NOVA1: variants seen among roughly 807,000 people sequenced by gnomAD.
NOVA1 encodes the protein NOVA alternative splicing regulator 1, also known as RNA-binding protein Nova-1.
A neutral mutation model predicts 38.0 loss-of-function variants in NOVA1; 7 were observed. The observed-to-expected ratio is 0.18, with a 90% CI of 0.10 to 0.35. The LOEUF (loss-of-function observed/expected upper bound fraction) is 0.35. Among genes scored for constraint, NOVA1 ranks in the 10% least tolerant of loss-of-function variants. NOVA1 has a pLI of 1.00. For missense variants in NOVA1, 460 were observed against 616.0 expected (o/e 0.75, Z 2.68); for synonymous variants, 270 against 232.5 (o/e 1.16, Z -1.47).
chr14:26,532,553 G>C (rs1889794479), intron 2 of NOVA1, among the ~76,000 whole-genome samples: 1 of 152,180 alleles, frequency 6.6e-6, no homozygotes, highest in African/African-American at 2.4e-5. Flanking sequence ...AAGTGAGGAT[G>C]GATGGGAAGG....
At chr14:26,491,210 T>C (rs1414512741) in intron 2 of NOVA1, among the ~76,000 whole-genome samples, 1 of 151,942 alleles carries the variant, frequency 6.6e-6, no homozygotes, top group Non-Finnish European at 1.5e-5. Flanking sequence ...CTCGCAATGT[T>C]ACCCAAGCTG....
chr14:26,529,873 T>C (rs951134019), intron 2 of NOVA1, among the ~76,000 whole-genome samples: 1 of 152,228 alleles, frequency 6.6e-6, no homozygotes, highest in Non-Finnish European at 1.5e-5. Context: ...GGAGATGTGA[T>C]ACTTTTAGCT....
intron 2 of NOVA1, among the ~76,000 whole-genome samples, chr14:26,535,374 T>C (rs1889991354): frequency 6.6e-6 from 1 of 152,138 alleles, no homozygotes; most frequent in Non-Finnish European, 1.5e-5. Context: ...AGTGGCAAAA[T>C]AATTTTAAGT....
intron 2 of NOVA1, among the ~76,000 whole-genome samples, chr14:26,545,828 T>C (rs939578682): frequency 2.0e-5 from 3 of 152,050 alleles, no homozygotes; most frequent in African/African-American, 4.8e-5. Context: ...TACACATATA[T>C]ACACACACAC....
chr14:26,487,703 T>C (rs1886027156), intron 2 of NOVA1, among the ~76,000 whole-genome samples: 1 of 152,140 alleles, frequency 6.6e-6, no homozygotes, highest in African/African-American at 2.4e-5. Flanking sequence ...TTCAGTTGAT[T>C]GTGGAAAAAT....
chr14:26,597,311 G>C lies in NOVA1; in HGVS notation c.126C>G (p.Thr42=). The change falls in exon 1 of 5, where the codon ACC becomes ACG. Residue 42 remains threonine (T), a synonymous_variant. Coordinates refer to ENST00000539517, the MANE Select transcript of NOVA1 (RefSeq NM_002515.3). ...APPEAGSTKR[T]NTGEDGQYFL... The stretch of plus-strand genomic sequence containing the variant: ...GGAAGCGATACCCACCGCCCGTATT[G>C]GTCCTCTTGGTGCTGCCGGCTTCAG... 1 of 1,251,282 alleles carries C rather than the reference G, an allele frequency of 8.0e-7. No individual in the cohort carries two copies. The highest frequency in any genetic ancestry group is 1.0e-6 in the Non-Finnish European group (1 of 990,424). The allele number at this position is 1,251,282 out of a possible 1,614,324, so 77.5% of individuals were successfully genotyped here. A position where few individuals can be genotyped will look rare whatever the true frequency, so the allele number is the denominator to read the frequency against.
At chr14:26,483,398 A>C (rs1042115932) in intron 2 of NOVA1, among the ~76,000 whole-genome samples, 6 of 152,198 alleles carry the variant, frequency 3.9e-5, no homozygotes, top group African/African-American at 1.2e-4. Flanking sequence ...AATATGTTGT[A>C]ATTTCTACAA....
intron 3 of NOVA1, among the ~76,000 whole-genome samples, chr14:26,474,479 A>G (rs528873371): frequency 2.0e-5 from 3 of 152,174 alleles, no homozygotes; most frequent in African/African-American, 7.2e-5. Context: ...GATTAATACA[A>G]TCTGTCGATT....
intron 2 of NOVA1, among the ~76,000 whole-genome samples, chr14:26,498,952 C>G (rs1451594683): frequency 1.3e-5 from 2 of 152,098 alleles, no homozygotes; most frequent in African/African-American, 4.8e-5. Context: ...AAGGCAAATA[C>G]TGCATATTCT....
At position 26,497,296 on chromosome 14, in the gene NOVA1, A is replaced by G. The variant is rs543427597; in HGVS notation, c.281-17153T>C. On this transcript the variant is annotated intron_variant, in intron 2 of 4. Transcript: ENST00000539517. ...AAACCACTGCTCAATGAAATAAAAGAGGATACAAACAAATGGAAGAACATT... is the reference window on the plus strand; with the variant it reads ...AAACCACTGCTCAATGAAATAAAAGGGGATACAAACAAATGGAAGAACATT... Among the ~76,000 whole-genome samples, 34 of 152,306 alleles carry G rather than the reference A, an allele frequency of 2.2e-4. 1 individual carries two copies. The South Asian group carries it at 6.6e-3, about 30-fold the overall frequency.
chr14:26,503,306 T>G (rs1408600180), intron 2 of NOVA1, among the ~76,000 whole-genome samples: 2 of 151,698 alleles, frequency 1.3e-5, no homozygotes, highest in African/African-American at 2.4e-5. Context: ...CACACCCACA[T>G]GCACACATAC....
At chr14:26,536,425 T>C (rs1268442973) in intron 2 of NOVA1, among the ~76,000 whole-genome samples, 1 of 152,112 alleles carries the variant, frequency 6.6e-6, no homozygotes, top group Non-Finnish European at 1.5e-5. Context: ...TTGCTAATGA[T>C]GCGACTTTTT....
At chr14:26,507,144 T>C (rs1887696578) in intron 2 of NOVA1, among the ~76,000 whole-genome samples, 1 of 152,144 alleles carries the variant, frequency 6.6e-6, no homozygotes, top group Non-Finnish European at 1.5e-5. Flanking sequence ...TGTTTTATGC[T>C]ATAACAAACA....
At chr14:26,482,889 A>G (rs1484722844) in intron 2 of NOVA1, among the ~76,000 whole-genome samples, 4 of 152,010 alleles carry the variant, frequency 2.6e-5, no homozygotes, top group African/African-American at 7.2e-5. Flanking sequence ...TTTTGTAGAG[A>G]CAGAGTTTCG....
chr14:26,580,908 A>C (rs1004372387), intron 2 of NOVA1, among the ~76,000 whole-genome samples: 1 of 152,068 alleles, frequency 6.6e-6, no homozygotes, highest in Non-Finnish European at 1.5e-5. Context: ...AATCTCTGCT[A>C]TAAATTTAGT....
chr14:26,487,796 T>C (rs532726969), intron 2 of NOVA1, among the ~76,000 whole-genome samples: 1 of 152,246 alleles, frequency 6.6e-6, no homozygotes, highest in East Asian at 1.9e-4. Flanking sequence ...TCCAAATCTG[T>C]CATAAAAAGA....
chr14:26,456,204 T>TA (rs1379568859), intron 4 of NOVA1, among the ~76,000 whole-genome samples: 1 of 151,948 alleles, frequency 6.6e-6, no homozygotes, highest in African/African-American at 2.4e-5. Context: ...AATTAAAAAG[T>TA]AAAAAATACC....
At chr14:26,476,339 T>C (rs2138274216) in intron 3 of NOVA1, among the ~76,000 whole-genome samples, 1 of 152,190 alleles carries the variant, frequency 6.6e-6, no homozygotes, top group Admixed American at 6.5e-5. Context: ...CCCCCCAAAA[T>C]CTTCCAGATA....
intron 2 of NOVA1, among the ~76,000 whole-genome samples, chr14:26,506,890 C>T (rs1022359401): frequency 8.5e-5 from 13 of 152,070 alleles, no homozygotes; most frequent in Non-Finnish European, 1.9e-4. Flanking sequence ...AACAACTGTT[C>T]TTTAAGGACT....
Sources: allele counts gnomAD v4.1 joint callset (sites outside exome capture counted in the v4.1 genomes callset), GRCh38; gene constraint gnomAD v4.1.1; transcripts MANE v1.5; gene names NCBI Gene and HGNC (gene_info 2026-07-23, HGNC 2026-07-21).